DSCAM: variants seen among roughly 807,000 people sequenced by gnomAD.
The protein encoded by DSCAM is cell adhesion molecule DSCAM.
In DSCAM, 47 loss-of-function variants were observed where a neutral mutation model predicts 217.7. The observed-to-expected ratio is 0.22, with a 90% CI of 0.17 to 0.28. The LOEUF is 0.28. DSCAM is among the 10% of genes least tolerant of loss of function. The pLI, the probability that DSCAM is intolerant of heterozygous loss-of-function variation, is 1.00. For missense variants in DSCAM, 2,080 were observed against 2,618.3 expected (o/e 0.79, Z 4.49); for synonymous variants, 1,056 against 1,015.3 (o/e 1.04, Z -0.76).
intron 3 of DSCAM, among the ~76,000 whole-genome samples, chr21:40,629,075 T>G (rs866697832): frequency 2.1e-5 from 2 of 96,766 alleles, no homozygotes; most frequent in African/African-American, 8.1e-5. Flanking sequence ...TGTGTGTGTG[T>G]GGTGTGTGTG....
intron 10 of DSCAM, among the ~76,000 whole-genome samples, chr21:40,285,897 G>A (rs983443980): frequency 1.3e-5 from 2 of 152,166 alleles, no homozygotes; most frequent in Non-Finnish European, 2.9e-5. Flanking sequence ...TGAGAGCCAG[G>A]ACTTGATAGC....
chr21:40,733,472 A>C (rs2091033293), intron 1 of DSCAM, among the ~76,000 whole-genome samples: 1 of 152,184 alleles, frequency 6.6e-6, no homozygotes, highest in Non-Finnish European at 1.5e-5. Flanking sequence ...GGGGAGTGCT[A>C]TGCCATCTAA....
intron 14 of DSCAM, among the ~76,000 whole-genome samples, chr21:40,186,593 G>C (rs926604088): frequency 1.2e-4 from 18 of 152,272 alleles, no homozygotes; most frequent in Admixed American, 4.6e-4. Flanking sequence ...GAGTGGTCCT[G>C]GGTGCAGCAG....
At chr21:40,833,448 C>T (rs776778682) in intron 1 of DSCAM, among the ~76,000 whole-genome samples, 7 of 152,118 alleles carry the variant, frequency 4.6e-5, no homozygotes, top group South Asian at 2.1e-4. Context: ...GGCAACCAGG[C>T]GAGAGAAAAT....
chr21:40,816,495 G>C (rs976278422), intron 1 of DSCAM, among the ~76,000 whole-genome samples: 1 of 152,152 alleles, frequency 6.6e-6, no homozygotes, highest in Admixed American at 6.5e-5. Context: ...AGAATTGCTT[G>C]AACTCAGGAG....
intron 1 of DSCAM, among the ~76,000 whole-genome samples, chr21:40,782,725 G>A (rs7277205): frequency 0.25 from 38,673 of 151,800 alleles, 5,877 homozygotes; most frequent in Non-Finnish European, 0.33. Context: ...GTGAGACCCT[G>A]TCTAAAAAAT....
chr21:40,572,088 GTGT>G (rs1568913526), intron 3 of DSCAM, among the ~76,000 whole-genome samples: 311 of 7,602 alleles, frequency 0.041, 8 homozygotes, highest in East Asian at 0.38. Context: ...GTGTGTGGGT[GTGT>G]GTGTGTGTGT....
chr21:40,588,304 T>C (rs1365096732), intron 3 of DSCAM, among the ~76,000 whole-genome samples: 1 of 152,208 alleles, frequency 6.6e-6, no homozygotes, highest in African/African-American at 2.4e-5. Context: ...CAATTACTTT[T>C]GCACCAACCT....
intron 3 of DSCAM, among the ~76,000 whole-genome samples, chr21:40,621,857 C>T (rs988383603): frequency 8.1e-6 from 1 of 122,748 alleles, no homozygotes; most frequent in African/African-American, 3.2e-5. Context: ...TGAACTGGCA[C>T]TGAATGAGGT....
intron 3 of DSCAM, among the ~76,000 whole-genome samples, chr21:40,422,355 C>T (rs1229690173): frequency 6.6e-6 from 1 of 152,182 alleles, no homozygotes; most frequent in Non-Finnish European, 1.5e-5. Context: ...GGTGGCCGAG[C>T]ACAGTGGCTC....
intron 3 of DSCAM, among the ~76,000 whole-genome samples, chr21:40,686,779 G>A (rs780770180): frequency 3.3e-5 from 5 of 152,008 alleles, no homozygotes; most frequent in East Asian, 1.9e-4. Context: ...CGCCTTACAC[G>A]ACCCCCATTC....
chr21:40,127,524 T>C (rs980049011), intron 19 of DSCAM, among the ~76,000 whole-genome samples: 18 of 152,230 alleles, frequency 1.2e-4, no homozygotes, highest in Admixed American at 1.0e-3. Flanking sequence ...CAGTAAAGAA[T>C]GTGGCCTTCA....
At chr21:40,437,747 A>T (rs1158624779) in intron 3 of DSCAM, among the ~76,000 whole-genome samples, 1 of 152,130 alleles carries the variant, frequency 6.6e-6, no homozygotes, top group Non-Finnish European at 1.5e-5. Context: ...GCTACTCGGG[A>T]GGCTGAGGCA....
At chr21:40,109,294 T>C (rs1049254767) in intron 20 of DSCAM, among the ~76,000 whole-genome samples, 1 of 149,494 alleles carries the variant, frequency 6.7e-6, no homozygotes, top group African/African-American at 2.4e-5. Flanking sequence ...CGTAAACAAA[T>C]TTACAAGAAA....
intron 3 of DSCAM, among the ~76,000 whole-genome samples, chr21:40,483,283 C>T (rs921082253): frequency 6.6e-6 from 1 of 152,202 alleles, no homozygotes; most frequent in African/African-American, 2.4e-5. Flanking sequence ...ATTTTACTTT[C>T]ATTTCATGTC....
At chr21:40,187,360 T>A (rs2090906187) in intron 13 of DSCAM, 101 bp from the exon 14 acceptor site, 1 of 1,428,052 alleles carries the variant, frequency 7.0e-7, no homozygotes, top group Admixed American at 2.3e-5. Flanking sequence ...TTTGTCTGCA[T>A]TAGACAAGAA....
At chr21:40,187,055 T>A (rs2090902211) in intron 14 of DSCAM, 76 bp downstream of exon 14, 11 of 1,571,022 alleles carry the variant, frequency 7.0e-6, no homozygotes, top group Non-Finnish European at 8.7e-6. Flanking sequence ...CGCTTACAGG[T>A]AAAACACATT....
At chr21:40,531,114 C>T (rs34130176) in intron 3 of DSCAM, among the ~76,000 whole-genome samples, 3,364 of 152,266 alleles carry the variant, frequency 0.022, 124 homozygotes, top group African/African-American at 0.076. Context: ...TGTCTCTCTC[C>T]AGCTACAATC....
At chr21:40,320,291 G>A in intron 8 of DSCAM, among the ~76,000 whole-genome samples, 1 of 152,020 alleles carries the variant, frequency 6.6e-6, no homozygotes, top group Non-Finnish European at 1.5e-5. Flanking sequence ...TTAAACAGTG[G>A]ATTGAATTAT....
Sources: gnomAD v4.1 joint callset for allele counts (sites outside exome capture counted in the v4.1 genomes callset) on GRCh38, gnomAD v4.1.1 for gene constraint, MANE v1.5 for transcripts, NCBI Gene and HGNC (gene_info 2026-07-23, HGNC 2026-07-21) for gene names.